CUX2: variants seen among roughly 807,000 people sequenced by gnomAD.
CUX2 encodes the protein cut like homeobox 2.
CUX2 carries 40 observed loss-of-function variants against 144.8 expected under a neutral mutation model. The observed-to-expected ratio is 0.28, with a 90% CI of 0.21 to 0.36. The LOEUF is 0.36. Ranked by LOEUF, CUX2 falls within the 10% of genes least tolerant of loss-of-function variation. The pLI, the probability that CUX2 is intolerant of heterozygous loss-of-function variation, is 1.00. For synonymous variants in CUX2, 827 were observed against 875.6 expected, an observed-to-expected ratio of 0.94 and a Z score of 0.98; for missense variants, 1,615 against 1,994.0, an observed-to-expected ratio of 0.81 and a Z score of 3.62.
chr12:111,238,673 G>A (rs1382827544), intron 3 of CUX2, among the ~76,000 whole-genome samples: 4 of 152,128 alleles, frequency 2.6e-5, no homozygotes, highest in Admixed American at 2.6e-4. Flanking sequence ...CAGTGAACAA[G>A]AACTACATAA....
intron 19 of CUX2, among the ~76,000 whole-genome samples, chr12:111,335,492 C>G (rs925128790): frequency 1.3e-5 from 2 of 151,870 alleles, no homozygotes; most frequent in Non-Finnish European, 2.9e-5. Flanking sequence ...AGGCGAATCA[C>G]CTCAGGTCAG....
intron 1 of CUX2, among the ~76,000 whole-genome samples, chr12:111,100,334 C>T (rs1429585485): frequency 6.6e-6 from 1 of 151,880 alleles, no homozygotes; most frequent in Non-Finnish European, 1.5e-5. Context: ...GTGTGGTGGC[C>T]GCGAGAGCCG....
intron 1 of CUX2, among the ~76,000 whole-genome samples, chr12:111,193,281 T>C (rs1363121597): frequency 6.6e-6 from 1 of 152,232 alleles, no homozygotes; most frequent in East Asian, 1.9e-4. Flanking sequence ...CCCTCTGACC[T>C]GGCACAAGCA....
intron 1 of CUX2, among the ~76,000 whole-genome samples, chr12:111,070,766 C>T (rs1871227703): frequency 1.3e-5 from 2 of 152,178 alleles, no homozygotes; most frequent in African/African-American, 4.8e-5. Context: ...TACTTCATCC[C>T]TCCCTGCTCC....
At chr12:111,248,902 T>C (rs1226409674) in intron 3 of CUX2, among the ~76,000 whole-genome samples, 1 of 152,224 alleles carries the variant, frequency 6.6e-6, no homozygotes, top group Non-Finnish European at 1.5e-5. Flanking sequence ...CACAGGACTT[T>C]ATGGAGGTAT....
chr12:111,337,621 C>T (rs755779670), intron 19 of CUX2, among the ~76,000 whole-genome samples: 11 of 152,210 alleles, frequency 7.2e-5, no homozygotes, highest in Non-Finnish European at 1.3e-4. Context: ...AAGCTGTGCA[C>T]ATTTAAAACT....
intron 1 of CUX2, among the ~76,000 whole-genome samples, chr12:111,202,246 G>A (rs926048298): frequency 2.0e-5 from 3 of 152,212 alleles, no homozygotes; most frequent in Non-Finnish European, 4.4e-5. Flanking sequence ...GGGGCACAAG[G>A]GGTCCCCAGC....
chr12:111,208,803 G>C (rs914204913), intron 1 of CUX2, among the ~76,000 whole-genome samples: 2 of 152,174 alleles, frequency 1.3e-5, no homozygotes, highest in African/African-American at 4.8e-5. Context: ...GAAAGTCTCT[G>C]TAGGGGACTG....
chr12:111,183,893 A>G (rs778337414), intron 1 of CUX2, among the ~76,000 whole-genome samples: 1 of 151,932 alleles, frequency 6.6e-6, no homozygotes, highest in Non-Finnish European at 1.5e-5. Context: ...GTATCAAGTG[A>G]CCTCCTTGAA....
At chr12:111,134,612 C>CTGTGTGTGTGTGTGTGTGTGTGTG (rs1228524853) in intron 1 of CUX2, among the ~76,000 whole-genome samples, 1 of 143,808 alleles carries the variant, frequency 7.0e-6, no homozygotes, top group African/African-American at 3.0e-5. Flanking sequence ...CTCTCTCTCT[C>CTGTGTGTGTGTGTGTGTGTGTGTG]TCTCTCTCTG....
At chr12:111,146,668 G>A (rs749848115) in intron 1 of CUX2, among the ~76,000 whole-genome samples, 2 of 152,192 alleles carry the variant, frequency 1.3e-5, no homozygotes, top group Admixed American at 6.5e-5. Flanking sequence ...ACTAACGTGC[G>A]GGTGTGAGAG....
chr12:111,231,584 A>G (rs1288429710), intron 3 of CUX2, among the ~76,000 whole-genome samples: 1 of 152,202 alleles, frequency 6.6e-6, no homozygotes, highest in Non-Finnish European at 1.5e-5. Flanking sequence ...GACTGTGGCC[A>G]TTGGGCTAAA....
At chr12:111,097,970 A>G (rs1872929092) in intron 1 of CUX2, among the ~76,000 whole-genome samples, 1 of 152,178 alleles carries the variant, frequency 6.6e-6, no homozygotes, top group Non-Finnish European at 1.5e-5. Flanking sequence ...GCTCAGAGTA[A>G]GGATTTGGGG....
intron 1 of CUX2, among the ~76,000 whole-genome samples, chr12:111,043,857 GGTA>G (rs1477161559): frequency 6.6e-6 from 1 of 152,172 alleles, no homozygotes; most frequent in East Asian, 1.9e-4. Flanking sequence ...AGACAGAAAT[GGTA>G]GTAGGAGAAA....
chr12:111,066,711 G>T (rs2136026019), intron 1 of CUX2, among the ~76,000 whole-genome samples: 1 of 152,350 alleles, frequency 6.6e-6, no homozygotes, highest in Admixed American at 6.5e-5. Flanking sequence ...GAACTTGACT[G>T]CTCTAAGGAG....
intron 1 of CUX2, among the ~76,000 whole-genome samples, chr12:111,152,197 A>C (rs979193180): frequency 6.6e-6 from 1 of 152,180 alleles, no homozygotes; most frequent in Non-Finnish European, 1.5e-5. Flanking sequence ...AGGCAGGAGA[A>C]TCACTTGAAC....
chr12:111,277,574 A>T lies in CUX2; in HGVS notation c.301+13735A>T, dbSNP rs979083559. ...CCTGCTTCATTTTGCTTCTGAGCCCATCTCACTCCAGTTGCCTCACCCATC... is the reference window on the plus strand; with the variant it reads ...CCTGCTTCATTTTGCTTCTGAGCCCTTCTCACTCCAGTTGCCTCACCCATC... On this transcript the variant is annotated intron_variant, in intron 4 of 21. Coordinates refer to ENST00000261726, the MANE Select transcript of CUX2 (RefSeq NM_015267.4). This position sits in a 1 kb window ranked among gnomAD's most constrained non-coding sequence, Gnocchi z 5.0. Among the ~76,000 whole-genome samples, 1 of 151,442 alleles carries T rather than the reference A, an allele frequency of 6.6e-6. No individual in the cohort carries two copies. The highest frequency in any genetic ancestry group is 2.4e-5 in the African/African-American group (1 of 41,218).
intron 3 of CUX2, among the ~76,000 whole-genome samples, chr12:111,256,132 GCTCCT>G (rs1883805815): frequency 1.3e-5 from 2 of 151,842 alleles, no homozygotes; most frequent in South Asian, 4.2e-4. Context: ...GGTTCTCATC[GCTCCT>G]CTCCACGGCC....
chr12:111,067,531 A>T (rs942951844), intron 1 of CUX2, among the ~76,000 whole-genome samples: 1 of 152,062 alleles, frequency 6.6e-6, no homozygotes, highest in African/African-American at 2.4e-5. Flanking sequence ...CCATGTTTTT[A>T]TTTGTGTATT....
Sources: allele counts gnomAD v4.1 joint callset (sites outside exome capture counted in the v4.1 genomes callset), GRCh38; gene constraint gnomAD v4.1.1; non-coding constraint Gnocchi (gnomAD v3.1); transcripts MANE v1.5; gene names NCBI Gene and HGNC (gene_info 2026-07-23, HGNC 2026-07-21).